The following GPHN variants were observed in gnomAD, a reference collection of about 807,000 sequenced individuals.
The protein encoded by GPHN is gephyrin.
A neutral mutation model predicts 95.5 loss-of-function variants in GPHN; 17 were observed. The observed-to-expected ratio is 0.18, with a 90% confidence interval of 0.12 to 0.27. The LOEUF (loss-of-function observed/expected upper bound fraction) is 0.27, where lower values mean the gene tolerates loss of function less well. Among genes scored for constraint, GPHN ranks in the 10% least tolerant of loss-of-function variants. The probability of loss-of-function intolerance (pLI) is 1.00; values close to 1 mark genes in which losing one functional copy is unlikely to be tolerated. For missense variants in GPHN, 660 were observed against 978.1 expected, an observed-to-expected ratio of 0.67 and a Z score of 4.34; for synonymous variants, 320 against 322.5, an observed-to-expected ratio of 0.99 and a Z score of 0.08.
At chr14:66,937,509 T>C (rs1331103354) in intron 8 of GPHN, among the ~76,000 whole-genome samples, 1 of 151,986 alleles carries the variant, frequency 6.6e-6, no homozygotes, top group Non-Finnish European at 1.5e-5. Flanking sequence ...GCCTCCCAAG[T>C]AGTGGGATTA....
the GPHN span, chr14:67,360,207 T>C: frequency 2.5e-6 from 1 of 402,494 alleles, no homozygotes; most frequent in Non-Finnish European, 4.4e-6. Context: ...CGAGAAACAG[T>C]ACTTTTCAGG....
chr14:66,958,976 TACTA>T (rs557436954), intron 8 of GPHN, among the ~76,000 whole-genome samples: 47 of 152,286 alleles, frequency 3.1e-4, no homozygotes, highest in Admixed American at 1.0e-3. Flanking sequence ...TTGCTACTTT[TACTA>T]ACTATTATTT....
intron 9 of GPHN, among the ~76,000 whole-genome samples, chr14:66,983,977 G>A (rs1458902217): frequency 6.6e-6 from 1 of 152,032 alleles, no homozygotes; most frequent in East Asian, 1.9e-4. Context: ...TCTTAGATTT[G>A]TCATCAACTT....
intron 1 of GPHN, among the ~76,000 whole-genome samples, chr14:66,669,068 T>C (rs1177433463): frequency 6.6e-6 from 1 of 151,884 alleles, no homozygotes; most frequent in African/African-American, 2.4e-5. Flanking sequence ...TCCTGCTGTT[T>C]TTAAGGTATT....
At chr14:66,593,468 T>C (rs1199603030) in intron 1 of GPHN, among the ~76,000 whole-genome samples, 11 of 151,934 alleles carry the variant, frequency 7.2e-5, no homozygotes, top group African/African-American at 9.7e-5. Flanking sequence ...GAGCATGTAA[T>C]GGAAGCAAAG....
the GPHN span, chr14:67,692,874 T>C: frequency 8.5e-7 from 1 of 1,171,098 alleles, no homozygotes; most frequent in Non-Finnish European, 1.3e-6. Context: ...GAATGAATCA[T>C]CATTACTGTG....
the GPHN span, among the ~76,000 whole-genome samples, chr14:67,595,575 T>C: frequency 5.3e-5 from 8 of 152,236 alleles, no homozygotes; most frequent in Admixed American, 1.3e-4. Context: ...AAAATTGGCA[T>C]GTGACACAAC....
At chr14:67,409,543 T>C in the GPHN span, among the ~76,000 whole-genome samples, 2,714 of 152,230 alleles carry the variant, frequency 0.018, 26 homozygotes, top group African/African-American at 0.023. Flanking sequence ...AGTGCTTCTG[T>C]CTCTTCTCCC....
At chr14:67,313,464 A>G in the GPHN span, among the ~76,000 whole-genome samples, 15 of 152,156 alleles carry the variant, frequency 9.9e-5, no homozygotes, top group Non-Finnish European at 2.2e-4. Flanking sequence ...TTGTTGACTG[A>G]AATGTTGTTA....
chr14:67,521,933 T>G, the GPHN span, among the ~76,000 whole-genome samples: 1 of 152,152 alleles, frequency 6.6e-6, no homozygotes. Context: ...TCCCAGCATT[T>G]TGGGAGGCTG....
chr14:67,148,176 A>T (rs2081013230), intron 18 of GPHN, among the ~76,000 whole-genome samples: 1 of 152,244 alleles, frequency 6.6e-6, no homozygotes, highest in South Asian at 2.1e-4. Flanking sequence ...GGCTCAATTC[A>T]TAAATAAGGA....
chr14:67,673,059 A>G, the GPHN span, among the ~76,000 whole-genome samples: 1 of 152,242 alleles, frequency 6.6e-6, no homozygotes, highest in Non-Finnish European at 1.5e-5. Flanking sequence ...TTCAAACGCC[A>G]TCTCCTCAGA....
chr14:67,569,251 C>A, the GPHN span: 1 of 1,504,330 alleles, frequency 6.6e-7, no homozygotes, highest in East Asian at 2.3e-5. Context: ...GCACCAAACA[C>A]CCAAGGTGGG....
intron 3 of GPHN, among the ~76,000 whole-genome samples, chr14:66,793,037 GCGGGCCA>G (rs2060029590): frequency 6.6e-6 from 1 of 152,260 alleles, no homozygotes. Flanking sequence ...TCCGCCCTGG[GCGGGCCA>G]GGTGTTCCTT....
At chr14:67,442,073 A>G in the GPHN span, 2 of 152,592 alleles carry the variant, frequency 1.3e-5, no homozygotes, top group African/African-American at 4.8e-5. Flanking sequence ...AATAGTAATG[A>G]ATACATACAA....
chr14:67,100,223 C>CT (rs1308832794), intron 12 of GPHN, among the ~76,000 whole-genome samples: 2 of 152,114 alleles, frequency 1.3e-5, no homozygotes, highest in African/African-American at 4.8e-5. Flanking sequence ...AGTCCTAGCT[C>CT]TACCATTAAC....
intron 1 of GPHN, among the ~76,000 whole-genome samples, chr14:66,610,748 A>G (rs184261925): frequency 2.6e-5 from 4 of 152,302 alleles, no homozygotes; most frequent in African/African-American, 7.2e-5. Flanking sequence ...GAGACTCACA[A>G]TACAACATGG....
In GPHN at chr14:66,589,289, G is replaced by C. The variant is rs552979797; in HGVS notation, c.64+80698G>C. Among the ~76,000 whole-genome samples, 7 of 152,206 alleles carry C rather than the reference G, an allele frequency of 4.6e-5. No homozygotes were observed. The South Asian group carries it at 1.5e-3, about 32-fold the overall frequency. On this transcript the variant is annotated intron_variant, in intron 1 of 22. Coordinates refer to ENST00000478722, the MANE Select transcript of GPHN (RefSeq NM_020806.5). ...AGCCACTGCAAAAACATACCAAATT[G>C]TAAAGTCTTTCGACACTATGAAGAA...
chr14:66,604,576 A>G (rs1459484381), intron 1 of GPHN, among the ~76,000 whole-genome samples: 2 of 152,190 alleles, frequency 1.3e-5, no homozygotes, highest in Admixed American at 6.5e-5. Flanking sequence ...ATACTTTAGA[A>G]AAACAGATTT....
Sources: gnomAD v4.1 joint callset for allele counts (sites outside exome capture counted in the v4.1 genomes callset) on GRCh38, gnomAD v4.1.1 for gene constraint, MANE v1.5 for transcripts, NCBI Gene and HGNC (gene_info 2026-07-23, HGNC 2026-07-21) for gene names.